The following SUPT3H variants were observed in gnomAD, a reference collection of about 807,000 sequenced individuals.
The protein encoded by SUPT3H is SPT3 homolog, SAGA and STAGA complex component, also known as transcription initiation protein SPT3 homolog.
SUPT3H carries 44 observed loss-of-function variants against 44.3 expected under a neutral mutation model. The ratio of observed to expected loss-of-function variants is 0.99; its 90% CI spans 0.78 to 1.28. The LOEUF (loss-of-function observed/expected upper bound fraction) is 1.28. Ranked by LOEUF, SUPT3H falls within the 50% of genes most tolerant of loss-of-function variation. The pLI is 0.00. For synonymous variants in SUPT3H, 124 were observed against 125.6 expected, an observed-to-expected ratio of 0.99 and a Z score of 0.09; for missense variants, 380 against 387.1, an observed-to-expected ratio of 0.98 and a Z score of 0.15.
At chr6:45,238,964 C>G (rs1192308083) in intron 2 of SUPT3H, among the ~76,000 whole-genome samples, 2 of 152,006 alleles carry the variant, frequency 1.3e-5, no homozygotes, top group African/African-American at 4.8e-5. Flanking sequence ...AAATTCAAAC[C>G]AATTGAAGGT....
chr6:45,258,880 A>G (rs899711777), intron 2 of SUPT3H, among the ~76,000 whole-genome samples: 1 of 152,168 alleles, frequency 6.6e-6, no homozygotes, highest in African/African-American at 2.4e-5. Flanking sequence ...TTCCAATAAA[A>G]TGTCACTTAT....
intron 2 of SUPT3H, among the ~76,000 whole-genome samples, chr6:45,296,486 C>A (rs945005085): frequency 1.3e-5 from 2 of 151,986 alleles, no homozygotes; most frequent in African/African-American, 2.4e-5. Flanking sequence ...TGCCTGTAAT[C>A]CCAGCACTTT....
chr6:45,181,868 ATAAT>A (rs1287957579), intron 2 of SUPT3H, among the ~76,000 whole-genome samples: 1 of 46,158 alleles, frequency 2.2e-5, no homozygotes, highest in Non-Finnish European at 4.1e-5. Flanking sequence ...AAGTATAATA[ATAAT>A]AAATAAATAA....
intron 9 of SUPT3H, among the ~76,000 whole-genome samples, chr6:44,950,810 T>C (rs1774171917): frequency 1.3e-5 from 2 of 150,650 alleles, no homozygotes; most frequent in South Asian, 4.1e-4. Flanking sequence ...TTTTTTTTTT[T>C]TCCTCTTGTT....
intron 2 of SUPT3H, among the ~76,000 whole-genome samples, chr6:45,269,986 T>C (rs1309320860): frequency 1.3e-5 from 2 of 152,168 alleles, no homozygotes; most frequent in Non-Finnish European, 2.9e-5. Context: ...ATCTATCCTG[T>C]TTCTATAGAT....
intron 6 of SUPT3H, among the ~76,000 whole-genome samples, chr6:44,988,084 CAA>C (rs949408619): frequency 6.6e-6 from 1 of 151,926 alleles, no homozygotes; most frequent in African/African-American, 2.4e-5. Context: ...ATGAAATGGG[CAA>C]AGAGTGAGAT....
intron 10 of SUPT3H, among the ~76,000 whole-genome samples, chr6:44,843,946 C>A (rs181719584): frequency 6.2e-5 from 9 of 146,070 alleles, no homozygotes; most frequent in Non-Finnish European, 7.8e-5. Flanking sequence ...CACACACACA[C>A]ACACACACAC....
At chr6:45,103,812 A>G (rs988834212) in intron 3 of SUPT3H, among the ~76,000 whole-genome samples, 2 of 152,194 alleles carry the variant, frequency 1.3e-5, no homozygotes, top group Admixed American at 6.5e-5. Flanking sequence ...AAAGCCAAAG[A>G]TAAGGAAAAA....
chr6:44,981,545 C>A (rs1206497214), intron 6 of SUPT3H, among the ~76,000 whole-genome samples: 1 of 152,026 alleles, frequency 6.6e-6, no homozygotes, highest in East Asian at 1.9e-4. Context: ...AAATATTCTT[C>A]TATAATATTG....
At position 44,968,109 on chromosome 6, in the gene SUPT3H, T is replaced by G. The variant is rs370642662; in HGVS notation, c.505-6281A>C. ...CACCTGGCCAAAAAATTTTTTTTAA[T>G]CTTATTCTGATTACTCTTAAAAGTC... On this transcript the variant is annotated intron_variant, in intron 6 of 10. Transcript: ENST00000371459. Among the ~76,000 whole-genome samples the G allele has an allele frequency of 2.8e-4, 42 of 152,220 alleles. 1 individual carries two copies. The highest frequency in any genetic ancestry group is 9.7e-4 in the East Asian group (5 of 5,180).
chr6:44,890,636 A>G (rs1000958177), intron 10 of SUPT3H, among the ~76,000 whole-genome samples: 1 of 148,474 alleles, frequency 6.7e-6, no homozygotes, highest in Non-Finnish European at 1.5e-5. Flanking sequence ...GAGGGATAGC[A>G]TTAGGAGACG....
chr6:45,296,664 G>A (rs1030639187), intron 2 of SUPT3H, among the ~76,000 whole-genome samples: 2 of 147,608 alleles, frequency 1.4e-5, no homozygotes, highest in South Asian at 2.2e-4. Flanking sequence ...ACTTGAACCC[G>A]GGACACGGAG....
chr6:45,157,157 T>C lies in SUPT3H; in HGVS notation c.102-51151A>G, dbSNP rs1161334720. ...CAAATGTATTCAACTTCATGGACTA[T>C]GTTTATATACAACATCGTAGAAAAG... On this transcript the variant is annotated intron_variant, in intron 2 of 10. Transcript: ENST00000371459. Among the ~76,000 whole-genome samples, 8 of 152,180 alleles carry C rather than the reference T, an allele frequency of 5.3e-5. No individual in the cohort carries two copies. The East Asian group carries it at 1.3e-3, about 26-fold the overall frequency.
rs1203818790 is a variant in SUPT3H at position 44,835,844 on chromosome 6, C to G, written c.913-5987G>C. Among the ~76,000 whole-genome samples, 4 of 152,072 alleles carry G rather than the reference C, an allele frequency of 2.6e-5. No homozygotes were observed. In the East Asian group the frequency reaches 7.7e-4, roughly 29 times the overall value. On this transcript the variant is annotated intron_variant, in intron 10 of 10. Coordinates refer to ENST00000371459, the MANE Select transcript of SUPT3H (RefSeq NM_003599.4). ...GAAGAGAGACTATGCCAAGTTGTCT[C>G]AAACTTAGGTTGTTTCAAATTCAAC...
At chr6:44,926,295 A>G (rs1046015272) in intron 10 of SUPT3H, among the ~76,000 whole-genome samples, 4 of 152,214 alleles carry the variant, frequency 2.6e-5, no homozygotes, top group East Asian at 1.9e-4. Flanking sequence ...AATTTTTTAA[A>G]TCTTAAGACA....
chr6:45,134,233 A>T (rs749801490), intron 2 of SUPT3H, among the ~76,000 whole-genome samples: 4 of 152,180 alleles, frequency 2.6e-5, no homozygotes, highest in Non-Finnish European at 5.9e-5. Flanking sequence ...ACTCACTATT[A>T]TAACACTCTC....
At chr6:44,885,258 G>C (rs1379044240) in intron 10 of SUPT3H, among the ~76,000 whole-genome samples, 1 of 152,174 alleles carries the variant, frequency 6.6e-6, no homozygotes, top group Non-Finnish European at 1.5e-5. Context: ...GCTTTGAAGA[G>C]AGCAGTGGTT....
chr6:45,212,648 G>C (rs1764323440), intron 2 of SUPT3H, among the ~76,000 whole-genome samples: 1 of 152,060 alleles, frequency 6.6e-6, no homozygotes, highest in African/African-American at 2.4e-5. Context: ...AGGGTATATA[G>C]AATGTAGTAC....
At chr6:45,050,478 C>T (rs1268564487) in intron 3 of SUPT3H, among the ~76,000 whole-genome samples, 1 of 151,746 alleles carries the variant, frequency 6.6e-6, no homozygotes, top group Non-Finnish European at 1.5e-5. Context: ...TTTGGTTTTC[C>T]ATTTAGGAAA....
Sources: gnomAD v4.1 joint callset for allele counts (sites outside exome capture counted in the v4.1 genomes callset) on GRCh38, gnomAD v4.1.1 for gene constraint, MANE v1.5 for transcripts, NCBI Gene and HGNC (gene_info 2026-07-23, HGNC 2026-07-21) for gene names.